The following KBTBD11 variants were observed in gnomAD, a reference collection of about 807,000 sequenced individuals.
KBTBD11 encodes the protein kelch repeat and BTB domain-containing protein 11.
For synonymous variants in KBTBD11, 747 were observed against 499.0 expected (o/e 1.50, Z -6.63); for missense variants, 1,390 against 1,001.8 (o/e 1.39, Z -5.23).
Position 2,000,585 on chromosome 8 carries a change from C to T in KBTBD11, c.-608C>T, listed in dbSNP as rs1319324727. 6.6e-6 allele frequency: 1 copy of T among 152,256 alleles called. No individual in the cohort carries two copies. The highest frequency in any genetic ancestry group is 2.4e-5 in the African/African-American group (1 of 41,446). The allele number at this position is 152,256 out of a possible 1,614,324, so 9.4% of individuals were successfully genotyped here. ...CCATAAGGGGACTCTTTTCAAGACA[C>T]GGTGTTAAATCAAGGCTCTGAAGTT... On this transcript the variant is annotated 5_prime_UTR_variant, in exon 2 of 2. It adds an upstream start codon to the 5' untranslated region. Coordinates refer to ENST00000320248, the MANE Select transcript of KBTBD11 (RefSeq NM_014867.3).
At chr8:1,977,596 T>A (rs188142356) in intron 1 of KBTBD11, among the ~76,000 whole-genome samples, 1 of 152,276 alleles carries the variant, frequency 6.6e-6, no homozygotes, top group Admixed American at 6.5e-5. Flanking sequence ...CCATGTCAGC[T>A]CACGGCAACC....
chr8:1,986,116 T>A (rs1262259547), intron 1 of KBTBD11, among the ~76,000 whole-genome samples: 2 of 152,230 alleles, frequency 1.3e-5, no homozygotes, highest in African/African-American at 2.4e-5. Flanking sequence ...TCAACCTTCC[T>A]TCCCTTTGCA....
At chr8:1,979,165 G>C (rs1049329192) in intron 1 of KBTBD11, among the ~76,000 whole-genome samples, 10 of 152,218 alleles carry the variant, frequency 6.6e-5, no homozygotes, top group African/African-American at 2.2e-4. Context: ...GAGATCTGCA[G>C]GGCAGGCCGG....
At position 2,003,197 on chromosome 8, in the gene KBTBD11, C is replaced by A. The variant is rs945587797; in HGVS notation, c.*133C>A. 10 of 1,220,264 alleles carry A rather than the reference C, an allele frequency of 8.2e-6. No individual in the cohort carries two copies. In the East Asian group the frequency reaches 2.9e-4, roughly 35 times the overall value. The allele number at this position is 1,220,264 out of a possible 1,614,324, so 75.6% of individuals were successfully genotyped here. Reference sequence around the variant, plus strand: ...GGTGGTTTGGACACTTCGAAGGAGCCCCGAGGACGCTCTCAGGGCCGCTTT... The same window carrying A: ...GGTGGTTTGGACACTTCGAAGGAGCACCGAGGACGCTCTCAGGGCCGCTTT... On this transcript the variant is annotated 3_prime_UTR_variant, in exon 2 of 2. Transcript: ENST00000320248.
intron 1 of KBTBD11, among the ~76,000 whole-genome samples, chr8:1,998,828 G>T (rs531024931): frequency 1.2e-3 from 181 of 152,322 alleles, no homozygotes; most frequent in African/African-American, 4.2e-3. Flanking sequence ...GCAGTCTTCA[G>T]GGCTGGTGCC....
chr8:1,981,949 A>G (rs77951494), intron 1 of KBTBD11, among the ~76,000 whole-genome samples: 5,244 of 152,222 alleles, frequency 0.034, 318 homozygotes, highest in African/African-American at 0.12. Context: ...CTCAGCCTCA[A>G]TAACTGTGTG....
chr8:2,004,176 A>C lies in KBTBD11; in HGVS notation c.*1112A>C, dbSNP rs1004819182. On this transcript the variant is annotated 3_prime_UTR_variant, in exon 2 of 2. Transcript: ENST00000320248. ...GACGTGCTTATCACCATAGATTTGC[A>C]AGTAAACTGCATGTATTTAATTGTA... 6.0e-6 allele frequency: 1 copy of C among 167,046 alleles called. No individual in the cohort carries two copies. The highest frequency in any genetic ancestry group is 6.5e-5 in the Admixed American group (1 of 15,280). 10.3% of individuals were successfully genotyped at this position (167,046 alleles called of 1,614,324 possible). A position where few individuals can be genotyped will look rare whatever the true frequency, so the allele number is the denominator to read the frequency against.
At chr8:1,974,328 A>G in intron 1 of KBTBD11, 2 of 983,844 alleles carry the variant, frequency 2.0e-6, no homozygotes, top group Non-Finnish European at 2.4e-6. Context: ...CCGCGCCCGC[A>G]GTCACCGCCC....
chr8:2,002,578 C>G lies in KBTBD11; in HGVS notation c.1386C>G (p.Ser462=). The change falls in exon 2 of 2, where the codon TCC becomes TCG. Residue 462 remains serine, a synonymous_variant. Coordinates refer to ENST00000320248, the MANE Select transcript of KBTBD11 (RefSeq NM_014867.3). This position sits in a 1 kb window ranked among gnomAD's most constrained non-coding sequence, Gnocchi z 4.1. ...CCTGCCACGGCGAGATCTACGTGTC[C>G]GGGGGCTCCCTCTTCTATCGCCTGC... ...ATTCHGEIYV[S]GGSLFYRLLK... 6.3e-7 allele frequency: 1 copy of G among 1,582,188 alleles called. No individual in the cohort carries two copies. Among genetic ancestry groups the G allele is most frequent in the Non-Finnish European group, 8.5e-7 (1 of 1,173,250 alleles).
chr8:1,977,933 A>C (rs892072485), intron 1 of KBTBD11, among the ~76,000 whole-genome samples: 3 of 152,126 alleles, frequency 2.0e-5, no homozygotes, highest in African/African-American at 7.2e-5. Context: ...TCGTATCACG[A>C]CCCTTGTTCC....
chr8:1,996,993 C>A (rs922659860), intron 1 of KBTBD11, among the ~76,000 whole-genome samples: 2 of 152,090 alleles, frequency 1.3e-5, no homozygotes, highest in African/African-American at 4.8e-5. Context: ...AAACTGGTCA[C>A]TCCCTGTCTC....
intron 1 of KBTBD11, among the ~76,000 whole-genome samples, chr8:1,989,274 T>G (rs1339335509): frequency 6.6e-6 from 1 of 152,248 alleles, no homozygotes; most frequent in Non-Finnish European, 1.5e-5. Context: ...GTAAGATTTG[T>G]ACTCCTCTGA....
chr8:1,993,786 A>G (rs1198379031), intron 1 of KBTBD11, among the ~76,000 whole-genome samples: 1 of 151,976 alleles, frequency 6.6e-6, no homozygotes, highest in Non-Finnish European at 1.5e-5. Flanking sequence ...AGGAAGTCTT[A>G]TTAGAGAATG....
At chr8:1,989,838 T>C (rs1350848602) in intron 1 of KBTBD11, among the ~76,000 whole-genome samples, 29 of 149,840 alleles carry the variant, frequency 1.9e-4, no homozygotes, top group Admixed American at 1.9e-3. Context: ...TGACTAAACC[T>C]CTTAAACTTG....
At chr8:1,994,879 C>T (rs942449828) in intron 1 of KBTBD11, among the ~76,000 whole-genome samples, 2 of 151,886 alleles carry the variant, frequency 1.3e-5, no homozygotes, top group African/African-American at 2.4e-5. Context: ...ACCAACATGG[C>T]GAAACTCCGT....
chr8:1,975,590 G>T (rs1228003567), intron 1 of KBTBD11, among the ~76,000 whole-genome samples: 1 of 152,214 alleles, frequency 6.6e-6, no homozygotes, highest in South Asian at 2.1e-4. Flanking sequence ...TGTGATGTTT[G>T]CACAGTGATG....
Position 2,002,001 on chromosome 8 carries a change from C to T in KBTBD11, c.809C>T (p.Pro270Leu), listed in dbSNP as rs754343105. The change falls in exon 2 of 2, where the codon CCC becomes CTC. Residue 270 changes from proline (P) to leucine (L), a missense_variant. Coordinates refer to ENST00000320248, the MANE Select transcript of KBTBD11 (RefSeq NM_014867.3). The surrounding 1 kb of genome is among the most constrained non-coding windows in gnomAD (Gnocchi z 4.1). ...SDHYLEVLRE[P>L]AVFGRLSGAE... The stretch of plus-strand genomic sequence containing the variant: ...CACTATCTGGAGGTGCTGCGCGAGC[C>T]CGCCGTGTTCGGCCGCCTGTCGGGC... 2.5e-5 allele frequency: 35 copies of T among 1,424,834 alleles called. No individual in the cohort carries two copies. Among genetic ancestry groups the T allele is most frequent in the South Asian group, 1.6e-4 (13 of 79,430 alleles). The allele number at this position is 1,424,834 out of a possible 1,614,324, so 88.3% of individuals were successfully genotyped here.
rs1817514724 is a variant in KBTBD11 at position 2,004,578 on chromosome 8, G to T, written c.*1514G>T. 1 of 167,062 alleles carries T rather than the reference G, an allele frequency of 6.0e-6. No individual in the cohort carries two copies. Among genetic ancestry groups the T allele is most frequent in the South Asian group, 2.1e-4 (1 of 4,826 alleles). 10.3% of individuals were successfully genotyped at this position (167,062 alleles called of 1,614,324 possible). ...TTTAAAGAGTCTGTGGTTATGAGAG[G>T]TCTCAGTTAAGTGTGTTTAGAAGTG... On this transcript the variant is annotated 3_prime_UTR_variant, in exon 2 of 2. Transcript: ENST00000320248.
At chr8:1,988,348 A>G (rs778885748) in intron 1 of KBTBD11, among the ~76,000 whole-genome samples, 12 of 152,174 alleles carry the variant, frequency 7.9e-5, no homozygotes, top group Non-Finnish European at 1.5e-4. Flanking sequence ...ACTCCCACCA[A>G]CAGTGTAAAA....
Sources: gnomAD v4.1 joint callset for allele counts (sites outside exome capture counted in the v4.1 genomes callset) on GRCh38, gnomAD v4.1.1 for gene constraint, Gnocchi (gnomAD v3.1) non-coding constraint, MANE v1.5 for transcripts, NCBI Gene and HGNC (gene_info 2026-07-23, HGNC 2026-07-21) for gene names.